Variants in GCNA observed in about 807,000 individuals in gnomAD.
GCNA encodes germ cell nuclear acidic protein.
A neutral mutation model predicts 38.8 loss-of-function variants in GCNA; 3 were observed. That is an observed-to-expected ratio of 0.08 (90% CI 0.04 to 0.20). The LOEUF is 0.20. GCNA is among the 10% of genes least tolerant of loss of function. The pLI is 1.00. For missense variants in GCNA, 446 were observed against 578.6 expected (o/e 0.77, Z 2.35); for synonymous variants, 195 against 240.2 (o/e 0.81, Z 1.74).
chrX:71,596,599 A>G (rs2040673975), intron 6 of GCNA, among the ~76,000 whole-genome samples: 1 of 112,369 alleles, frequency 8.9e-6, no homozygotes, highest in Admixed American at 9.4e-5. Context: ...AGCCTCTGCT[A>G]GATAGATGGT....
At chrX:71,589,269 T>C (rs1162459601) in intron 2 of GCNA, among the ~76,000 whole-genome samples, 2 of 106,894 alleles carry the variant, frequency 1.9e-5, no homozygotes, top group African/African-American at 6.8e-5. Flanking sequence ...TCAATGCATA[T>C]ATTCTTTTTT....
intron 11 of GCNA, among the ~76,000 whole-genome samples, chrX:71,611,063 A>G (rs1202838436): frequency 8.9e-6 from 1 of 112,233 alleles, no homozygotes; most frequent in Non-Finnish European, 1.9e-5. Context: ...CAGCAGTAGC[A>G]TCTTCATTCT....
At chrX:71,589,805 C>T (rs1283502443) in intron 2 of GCNA, among the ~76,000 whole-genome samples, 1 of 109,469 alleles carries the variant, frequency 9.1e-6, no homozygotes, top group African/African-American at 3.3e-5. Context: ...TGTCAGCTAG[C>T]CTGCATATAT....
intron 2 of GCNA, among the ~76,000 whole-genome samples, chrX:71,586,766 C>T (rs2040588639): frequency 9.0e-6 from 1 of 111,242 alleles, no homozygotes; most frequent in Non-Finnish European, 1.9e-5. Flanking sequence ...CCTGCCACCA[C>T]ACCTGGCTAA....
chrX:71,580,835 A>T lies in GCNA; in HGVS notation c.14A>T (p.Lys5Ile). 8.3e-7 allele frequency: 1 copy of T among 1,203,616 alleles called. No homozygotes were observed. The highest frequency in any genetic ancestry group is 1.7e-5 in the African/African-American group (1 of 57,719). The change falls in exon 2 of 13, where the codon AAA becomes ATA. Residue 5 changes from lysine (K) to isoleucine (I), a missense_variant. Lys to Ile is a moderately radical substitution (Grantham distance 102). Transcript: ENST00000373696. ...TTCACTACAGACATGGATGGGTGCAAAAAAGAGCTGCCCCGCTTGCAAGAG... is the reference window on the plus strand; with the variant it reads ...TTCACTACAGACATGGATGGGTGCATAAAAGAGCTGCCCCGCTTGCAAGAG... MDGC[K>I]KELPRLQEPE...
intron 6 of GCNA, among the ~76,000 whole-genome samples, chrX:71,596,172 C>T (rs1569438449): frequency 8.9e-6 from 1 of 111,751 alleles, no homozygotes; most frequent in Admixed American, 9.5e-5. Context: ...GCCAAGATTG[C>T]GTCACTGCAC....
chrX:71,594,092 C>G (rs371059730), intron 4 of GCNA, among the ~76,000 whole-genome samples: 1 of 112,384 alleles, frequency 8.9e-6, no homozygotes, highest in Non-Finnish European at 1.9e-5. Flanking sequence ...TGATACTCAG[C>G]TAACATTCTT....
At chrX:71,579,710 G>A (rs1263142690) in intron 1 of GCNA, among the ~76,000 whole-genome samples, 1 of 107,423 alleles carries the variant, frequency 9.3e-6, no homozygotes, top group African/African-American at 3.4e-5. Context: ...TAGAAGTGTG[G>A]GGGAGTGGAA....
intron 4 of GCNA, among the ~76,000 whole-genome samples, chrX:71,592,861 A>G (rs1160852593): frequency 9.2e-6 from 1 of 109,099 alleles, no homozygotes; most frequent in African/African-American, 3.3e-5. Flanking sequence ...ATCAGTGTTT[A>G]CTCCCTTTTA....
At chrX:71,583,692 CTTTTTTTTTTTTTTT>C (rs753557808) in intron 2 of GCNA, among the ~76,000 whole-genome samples, 1 of 72,659 alleles carries the variant, frequency 1.4e-5, no homozygotes. Context: ...CTATTATATT[CTTTTTTTTTTTTTTT>C]TTTTTTTTGA....
At chrX:71,592,892 T>C (rs920977207) in intron 4 of GCNA, among the ~76,000 whole-genome samples, 5 of 112,141 alleles carry the variant, frequency 4.5e-5, no homozygotes, top group African/African-American at 1.6e-4. Flanking sequence ...TAGTTTACTT[T>C]AGTTTTTATT....
At chrX:71,587,599 G>A (rs2040593593) in intron 2 of GCNA, among the ~76,000 whole-genome samples, 1 of 110,975 alleles carries the variant, frequency 9.0e-6, no homozygotes, top group Admixed American at 9.6e-5. Flanking sequence ...CTAGTGGATT[G>A]GCTATGTTTT....
intron 9 of GCNA, among the ~76,000 whole-genome samples, chrX:71,607,326 G>A (rs978401139): frequency 1.8e-5 from 2 of 112,019 alleles, no homozygotes; most frequent in Admixed American, 9.5e-5. Context: ...GTCTTGTCTG[G>A]TACTTCCCCC....
Position 71,598,029 on chromosome X carries a change from A to G in GCNA, c.301A>G (p.Asn101Asp), listed in dbSNP as rs150589805. 17 of 1,197,927 alleles carry G rather than the reference A, an allele frequency of 1.4e-5. No individual in the cohort carries two copies. Among genetic ancestry groups the G allele is most frequent in the Non-Finnish European group, 1.6e-5 (14 of 884,004 alleles). ...GAAGAAAGCTAAGTTATTGGAAATA[A>G]ACAGCGACGGCAAGTATATATTACT... is the stretch of plus-strand genomic sequence containing the variant. ...EEKKAKLLEINSDDESPECCH... is the reference protein window; with the variant it reads ...EEKKAKLLEIDSDDESPECCH... Residue 101 changes from asparagine to aspartate, a missense_variant, in exon 7 of 13, where the codon AAC (asparagine) becomes GAC (aspartate). Coordinates refer to ENST00000373696, the MANE Select transcript of GCNA (RefSeq NM_052957.5).
chrX:71,604,505 T>A lies in GCNA; in HGVS notation c.1228T>A (p.Ser410Thr). 11 of 1,197,493 alleles carry A rather than the reference T, an allele frequency of 9.2e-6. No individual in the cohort carries two copies. The highest frequency in any genetic ancestry group is 1.2e-5 in the Non-Finnish European group (11 of 888,286). Reference protein sequence around the residue: ...EEEPAPVVEQSGKRKSKTKTI... With the variant: ...EEEPAPVVEQTGKRKSKTKTI... ...AGAGCCTGCACCTGTGGTGGAACAA[T>A]CAGGGAAAAGGAAGTCAAAAACCAA... The change falls in exon 8 of 13, where the codon TCA becomes ACA. Residue 410 changes from serine (S) to threonine (T), a missense_variant. This residue lies in a region of GCNA where 160 missense variants were observed against 165.2 expected (regional missense o/e 0.97). Coordinates refer to ENST00000373696, the MANE Select transcript of GCNA (RefSeq NM_052957.5).
chrX:71,597,557 C>G (rs1158908289), intron 6 of GCNA, among the ~76,000 whole-genome samples: 1 of 111,388 alleles, frequency 9.0e-6, no homozygotes, highest in Non-Finnish European at 1.9e-5. Context: ...GAGGCTGCCT[C>G]TCTCCATCTG....
chrX:71,600,154 G>A (rs1569439258), intron 7 of GCNA, among the ~76,000 whole-genome samples: 1 of 111,809 alleles, frequency 8.9e-6, no homozygotes, highest in Non-Finnish European at 1.9e-5. Context: ...TGCAGGCAGT[G>A]ATGTTCCAAA....
intron 2 of GCNA, among the ~76,000 whole-genome samples, chrX:71,582,128 G>T (rs1447992169): frequency 5.5e-5 from 6 of 108,531 alleles, no homozygotes; most frequent in Non-Finnish European, 9.5e-5. Flanking sequence ...AAAAAAATTA[G>T]CTGGGCACGG....
intron 1 of GCNA, among the ~76,000 whole-genome samples, chrX:71,578,864 G>C (rs6625801): frequency 0.23 from 24,242 of 107,152 alleles, 2,917 homozygotes; most frequent in East Asian, 0.48. Flanking sequence ...GCAGATAGTG[G>C]GGGGCCTGGT....
Sources: allele counts gnomAD v4.1 joint callset (sites outside exome capture counted in the v4.1 genomes callset), GRCh38; gene constraint gnomAD v4.1.1; regional missense constraint gnomAD v4.1.1; transcripts MANE v1.5; gene names NCBI Gene and HGNC (gene_info 2026-07-23, HGNC 2026-07-21).